NPAS3: variants seen among roughly 807,000 people sequenced by gnomAD.
NPAS3 encodes neuronal PAS domain protein 3, also known as neuronal PAS domain-containing protein 3.
NPAS3 carries 14 observed loss-of-function variants against 73.1 expected under a neutral mutation model. That is an observed-to-expected ratio of 0.19 (90% CI 0.13 to 0.30). NPAS3 has a LOEUF of 0.30. Among genes scored for constraint, NPAS3 ranks in the 10% least tolerant of loss-of-function variants. NPAS3 has a pLI of 1.00. For synonymous variants in NPAS3, 620 were observed against 541.5 expected (o/e 1.14, Z -2.01); for missense variants, 1,096 against 1,250.0 (o/e 0.88, Z 1.86).
chr14:33,767,521 AT>A (rs2062502190), intron 7 of NPAS3, among the ~76,000 whole-genome samples: 1 of 151,702 alleles, frequency 6.6e-6, no homozygotes, highest in Admixed American at 6.6e-5. Flanking sequence ...AGGAAGCTTA[AT>A]TTTTAAGGTA....
intron 6 of NPAS3, among the ~76,000 whole-genome samples, chr14:33,722,260 T>C (rs1462329638): frequency 6.6e-6 from 1 of 152,162 alleles, no homozygotes; most frequent in Admixed American, 6.6e-5. Context: ...ATAATTAATA[T>C]CAACAAATTT....
At chr14:33,335,821 G>A (rs1348617287) in intron 3 of NPAS3, among the ~76,000 whole-genome samples, 1 of 152,108 alleles carries the variant, frequency 6.6e-6, no homozygotes, top group Non-Finnish European at 1.5e-5. Context: ...GATGTACCAT[G>A]TTTTGTTTAT....
intron 4 of NPAS3, among the ~76,000 whole-genome samples, chr14:33,514,404 A>G (rs1025421228): frequency 6.6e-6 from 1 of 152,048 alleles, no homozygotes; most frequent in Non-Finnish European, 1.5e-5. Context: ...CCATCCAGTT[A>G]TTCCTGCTTT....
At chr14:33,444,634 G>A (rs1053284130) in intron 4 of NPAS3, among the ~76,000 whole-genome samples, 3 of 152,210 alleles carry the variant, frequency 2.0e-5, no homozygotes, top group Admixed American at 6.5e-5. Flanking sequence ...TGGCAGAGTC[G>A]GGTTAGATGG....
chr14:33,057,916 A>G (rs2040947348), intron 2 of NPAS3, among the ~76,000 whole-genome samples: 1 of 152,222 alleles, frequency 6.6e-6, no homozygotes, highest in Admixed American at 6.5e-5. Context: ...AATAGCACCT[A>G]TAAAAAAGCA....
At position 33,727,172 on chromosome 14, in the gene NPAS3, G is replaced by A. The variant is rs530392090; in HGVS notation, c.734-8042G>A. On this transcript the variant is annotated intron_variant, in intron 6 of 11. Transcript: ENST00000356141. ...AGAATGTTAAAAAAATAAACATGGC[G>A]GTTCAGCTGGATACTGGCAACCAGC... Among the ~76,000 whole-genome samples the A allele has an allele frequency of 3.3e-5, 5 of 149,292 alleles. No individual in the cohort carries two copies. The South Asian group carries it at 6.5e-4, about 19-fold the overall frequency.
chr14:33,638,526 T>A (rs1028879249), intron 5 of NPAS3, among the ~76,000 whole-genome samples: 2 of 152,250 alleles, frequency 1.3e-5, no homozygotes, highest in Non-Finnish European at 2.9e-5. Flanking sequence ...TTCTGTAGAT[T>A]AAATGATAAA....
At chr14:33,047,053 G>A (rs1269934852) in intron 1 of NPAS3, among the ~76,000 whole-genome samples, 1 of 152,032 alleles carries the variant, frequency 6.6e-6, no homozygotes, top group African/African-American at 2.4e-5. Context: ...ACAGGCCTTG[G>A]GTTTGGAACT....
At chr14:33,626,005 A>C (rs1456026258) in intron 5 of NPAS3, among the ~76,000 whole-genome samples, 1 of 152,220 alleles carries the variant, frequency 6.6e-6, no homozygotes, top group Non-Finnish European at 1.5e-5. Context: ...ATTGTCAAAG[A>C]GAAATTAACT....
chr14:33,158,407 T>A (rs2044725572), intron 2 of NPAS3, among the ~76,000 whole-genome samples: 1 of 152,202 alleles, frequency 6.6e-6, no homozygotes, highest in Admixed American at 6.5e-5. Flanking sequence ...ATATTTGGTC[T>A]GGGTACTAGC....
At chr14:33,094,758 G>A (rs1036152972) in intron 2 of NPAS3, among the ~76,000 whole-genome samples, 20 of 152,108 alleles carry the variant, frequency 1.3e-4, no homozygotes, top group Admixed American at 5.2e-4. Flanking sequence ...GAGCCACCGC[G>A]CCAGGCTGAT....
intron 3 of NPAS3, among the ~76,000 whole-genome samples, chr14:33,226,128 T>C (rs576884192): frequency 6.6e-6 from 1 of 152,298 alleles, no homozygotes; most frequent in East Asian, 1.9e-4. Flanking sequence ...AGTGGTATCA[T>C]TTGGCTTATT....
chr14:33,672,260 G>T (rs906950191), intron 5 of NPAS3, among the ~76,000 whole-genome samples: 7 of 152,068 alleles, frequency 4.6e-5, no homozygotes, highest in African/African-American at 1.4e-4. Flanking sequence ...CAAATAGATA[G>T]ATTATGATGC....
At chr14:33,492,197 A>G (rs1316735983) in intron 4 of NPAS3, among the ~76,000 whole-genome samples, 1 of 152,172 alleles carries the variant, frequency 6.6e-6, no homozygotes, top group Non-Finnish European at 1.5e-5. Flanking sequence ...TCACATATCG[A>G]TGGAGAGTAA....
intron 1 of NPAS3, among the ~76,000 whole-genome samples, chr14:33,033,286 C>G (rs2040057511): frequency 2.0e-5 from 3 of 152,074 alleles, no homozygotes; most frequent in Admixed American, 1.3e-4. Context: ...CGAGAACAGC[C>G]TGGCCAACAT....
upstream of NPAS3, among the ~76,000 whole-genome samples, chr14:32,938,477 G>A (rs867735066): frequency 3.1e-4 from 28 of 90,852 alleles, no homozygotes; most frequent in African/African-American, 5.8e-4. Flanking sequence ...GAGAGAGAGA[G>A]AGAGAAATTG....
At chr14:33,721,153 G>T (rs190316999) in intron 6 of NPAS3, among the ~76,000 whole-genome samples, 1 of 152,086 alleles carries the variant, frequency 6.6e-6, no homozygotes, top group Non-Finnish European at 1.5e-5. Flanking sequence ...TAAAGTAAGT[G>T]AATTCTTTTG....
intron 2 of NPAS3, among the ~76,000 whole-genome samples, chr14:33,157,482 A>G (rs992048563): frequency 1.3e-5 from 2 of 152,224 alleles, no homozygotes; most frequent in South Asian, 4.1e-4. Context: ...GGGCCAGCCA[A>G]TATATCACAC....
intron 3 of NPAS3, among the ~76,000 whole-genome samples, chr14:33,292,666 A>G (rs1168767988): frequency 6.6e-6 from 1 of 152,124 alleles, no homozygotes; most frequent in Non-Finnish European, 1.5e-5. Flanking sequence ...CGACTTACCC[A>G]AAAACATAAA....
Sources: allele counts gnomAD v4.1 joint callset (sites outside exome capture counted in the v4.1 genomes callset), GRCh38; gene constraint gnomAD v4.1.1; transcripts MANE v1.5; gene names NCBI Gene and HGNC (gene_info 2026-07-23, HGNC 2026-07-21).